CD48: variants seen among roughly 807,000 people sequenced by gnomAD.
The protein encoded by CD48 is CD48 antigen.
CD48 carries 20 observed loss-of-function variants against 22.0 expected under a neutral mutation model. The ratio of observed to expected loss-of-function variants is 0.91; its 90% confidence interval spans 0.64 to 1.32. CD48 has a LOEUF of 1.32. Among genes scored for constraint, CD48 ranks in the 40% most tolerant of loss-of-function variants. The probability of loss-of-function intolerance (pLI) is 0.00; values close to 1 mark genes in which losing one functional copy is unlikely to be tolerated. For missense variants in CD48, 307 were observed against 286.5 expected (o/e 1.07, Z -0.52); for synonymous variants, 110 against 110.1 (o/e 1.00, Z 0.01).
intron 1 of CD48, among the ~76,000 whole-genome samples, chr1:160,707,114 CA>C (rs1662819095): frequency 6.6e-6 from 1 of 152,056 alleles, no homozygotes; most frequent in Non-Finnish European, 1.5e-5. Context: ...CAATAGCTAC[CA>C]AGACCTCAGG....
intron 1 of CD48, among the ~76,000 whole-genome samples, chr1:160,685,849 C>T (rs973377801): frequency 6.6e-6 from 1 of 152,124 alleles, no homozygotes. Flanking sequence ...GCCAAAGATA[C>T]AGGGCAAATT....
intron 1 of CD48, among the ~76,000 whole-genome samples, chr1:160,698,120 A>T (rs1163316477): frequency 3.3e-5 from 5 of 152,142 alleles, no homozygotes; most frequent in Admixed American, 3.3e-4. Context: ...TTCCATTCTA[A>T]CGGTTCCTTT....
chr1:160,710,288 C>T (rs1000387812), intron 1 of CD48, among the ~76,000 whole-genome samples: 4 of 152,114 alleles, frequency 2.6e-5, no homozygotes, highest in Admixed American at 2.0e-4. Context: ...TAATAGCCAC[C>T]TCACTATTTT....
At chr1:160,684,710 A>G in intron 2 of CD48, 177 bp downstream of exon 2, 1 of 1,516,946 alleles carries the variant, frequency 6.6e-7, no homozygotes, top group East Asian at 2.3e-5. Flanking sequence ...TAATTTGGAT[A>G]TCTGTTGACC....
At chr1:160,691,967 G>A (rs2102415804) in intron 1 of CD48, 1 of 230,670 alleles carries the variant, frequency 4.3e-6, no homozygotes, top group East Asian at 7.8e-5. Flanking sequence ...TTAAAAAGAG[G>A]GGGAGTTAGA....
chr1:160,681,606 G>C, intron 2 of CD48, 138 bp from the exon 3 acceptor site: 2 of 1,107,900 alleles, frequency 1.8e-6, no homozygotes, highest in Non-Finnish European at 2.6e-6. Flanking sequence ...AAGTTCTACA[G>C]AGGGAGCCAG....
chr1:160,698,016 G>T (rs1312651299), intron 1 of CD48, among the ~76,000 whole-genome samples: 4 of 152,158 alleles, frequency 2.6e-5, no homozygotes, highest in African/African-American at 9.7e-5. Flanking sequence ...GAATTGTGGA[G>T]GCTTACTGTG....
intron 3 of CD48, 27 bp from the exon 4 acceptor site, chr1:160,679,158 C>T (rs777326680): frequency 1.2e-5 from 19 of 1,580,278 alleles, no homozygotes; most frequent in Non-Finnish European, 1.5e-5. Context: ...ACCCTATATG[C>T]TTAGGTATCT....
chr1:160,680,960 C>G (rs2102401905), intron 3 of CD48: 1 of 1,437,598 alleles, frequency 7.0e-7, no homozygotes, highest in South Asian at 1.5e-5. Context: ...AGAGGAGTAT[C>G]AGAGATCTCT....
intron 1 of CD48, among the ~76,000 whole-genome samples, chr1:160,689,452 G>A (rs1335058847): frequency 6.6e-6 from 1 of 152,170 alleles, no homozygotes; most frequent in Non-Finnish European, 1.5e-5. Context: ...GTATAAGGAG[G>A]AGAATCATTA....
At chr1:160,692,556 C>G (rs1242597304) in intron 1 of CD48, among the ~76,000 whole-genome samples, 1 of 152,088 alleles carries the variant, frequency 6.6e-6, no homozygotes, top group Non-Finnish European at 1.5e-5. Flanking sequence ...ATCGGCCACC[C>G]CCAGAAAGTC....
At chr1:160,701,773 C>T (rs1046524779) in intron 1 of CD48, among the ~76,000 whole-genome samples, 11 of 152,134 alleles carry the variant, frequency 7.2e-5, no homozygotes, top group Non-Finnish European at 1.2e-4. Flanking sequence ...TAAATTTCCT[C>T]GGCCTTTCCA....
At chr1:160,708,089 G>C (rs1404568791) in intron 1 of CD48, among the ~76,000 whole-genome samples, 5 of 152,202 alleles carry the variant, frequency 3.3e-5, no homozygotes, top group Admixed American at 3.3e-4. Flanking sequence ...TTTGGGGGTT[G>C]AGAATGGCTT....
At chr1:160,679,743 G>T (rs958633899) in intron 3 of CD48, among the ~76,000 whole-genome samples, 31 of 152,128 alleles carry the variant, frequency 2.0e-4, no homozygotes, top group Non-Finnish European at 7.4e-5. Context: ...TGACAGATGG[G>T]TTTACCCTTC....
At chr1:160,709,219 G>C (rs1241175510) in intron 1 of CD48, among the ~76,000 whole-genome samples, 1 of 152,200 alleles carries the variant, frequency 6.6e-6, no homozygotes, top group Non-Finnish European at 1.5e-5. Flanking sequence ...AGAGTCTAGA[G>C]AAGATGTTTA....
Position 160,711,598 on chromosome 1 carries a change from G to C in CD48, c.82+84C>G, listed in dbSNP as rs538906852. 3.3e-5 allele frequency: 34 copies of C among 1,023,122 alleles called. 2 individuals are homozygous for C. The South Asian group carries it at 4.2e-4, about 13-fold the overall frequency. 63.4% of individuals were successfully genotyped at this position (1,023,122 alleles called of 1,614,324 possible). ...TTCCAGACACCAGATCTGGCTTCTA[G>C]GGTTGAACTACATCCCGTCTCCCCT... is the stretch of plus-strand genomic sequence containing the variant. On this transcript the variant is annotated intron_variant, in intron 1 of 3. Coordinates refer to ENST00000368046, the MANE Select transcript of CD48 (RefSeq NM_001778.4).
At chr1:160,684,737 T>C in intron 2 of CD48, 150 bp downstream of exon 2, 1 of 1,586,528 alleles carries the variant, frequency 6.3e-7, no homozygotes, top group Non-Finnish European at 8.6e-7. Flanking sequence ...CACTCCCAAA[T>C]AGAATTGGAT....
chr1:160,685,077 C>A lies in CD48; in HGVS notation c.195G>T (p.Lys65Asn). ...QLTWFYTFDQ[K>N]IVEWDSRKSK... Reference sequence around the variant, plus strand: ...ATTTTCTGGAATCCCATTCTACAATCTTCTGGTCGAAAGTATAAAACCAGG... The same window carrying A: ...ATTTTCTGGAATCCCATTCTACAATATTCTGGTCGAAAGTATAAAACCAGG... Residue 65 changes from lysine (K) to asparagine (N), a missense_variant, in exon 2 of 4, where the codon AAG becomes AAT. Physicochemically the swap from Lys to Asn is moderately conservative, Grantham distance 94. Coordinates refer to ENST00000368046, the MANE Select transcript of CD48 (RefSeq NM_001778.4). 12 of 1,614,220 alleles carry A rather than the reference C, an allele frequency of 7.4e-6. No homozygotes were observed. Among genetic ancestry groups the A allele is most frequent in the Non-Finnish European group, 1.0e-5 (12 of 1,180,028 alleles).
At chr1:160,709,079 G>A (rs1662874691) in intron 1 of CD48, among the ~76,000 whole-genome samples, 1 of 152,210 alleles carries the variant, frequency 6.6e-6, no homozygotes, top group Admixed American at 6.5e-5. Context: ...AGGATGAACA[G>A]TCTTCCCCCA....
Sources: allele counts gnomAD v4.1 joint callset (sites outside exome capture counted in the v4.1 genomes callset), GRCh38; gene constraint gnomAD v4.1.1; transcripts MANE v1.5; gene names NCBI Gene and HGNC (gene_info 2026-07-23, HGNC 2026-07-21).